Variants in RABL6 observed in about 807,000 individuals in gnomAD.
RABL6 encodes the protein RAB, member RAS oncogene family like 6.
RABL6 carries 28 observed loss-of-function variants against 72.9 expected under a neutral mutation model. The ratio of observed to expected loss-of-function variants is 0.38; its 90% CI spans 0.28 to 0.53. RABL6 has a LOEUF of 0.53. Among genes scored for constraint, RABL6 ranks in the 20% least tolerant of loss-of-function variants. The pLI, the probability that RABL6 is intolerant of heterozygous loss-of-function variation, is 0.80. For missense variants in RABL6, 1,029 were observed against 1,008.4 expected, an observed-to-expected ratio of 1.02 and a Z score of -0.28; for synonymous variants, 477 against 421.2, an observed-to-expected ratio of 1.13 and a Z score of -1.62.
At chr9:136,816,381 A>G (rs776162425) in intron 1 of RABL6, among the ~76,000 whole-genome samples, 3 of 151,740 alleles carry the variant, frequency 2.0e-5, no homozygotes, top group Non-Finnish European at 4.4e-5. Flanking sequence ...CTGGCATTAC[A>G]GGAGAGAGCC....
At chr9:136,838,449 A>G (rs552348680) in intron 10 of RABL6, among the ~76,000 whole-genome samples, 8 of 152,112 alleles carry the variant, frequency 5.3e-5, no homozygotes, top group African/African-American at 9.7e-5. Context: ...AGCCCCTCCC[A>G]CCACTCTGTC....
chr9:136,809,246 C>A (rs948546109), intron 1 of RABL6: 5 of 161,202 alleles, frequency 3.1e-5, no homozygotes, highest in Admixed American at 6.5e-5. Context: ...CAGAAAGACT[C>A]TTGTGCAGGT....
intron 1 of RABL6, chr9:136,813,315 C>G: frequency 1.5e-6 from 1 of 658,708 alleles, no homozygotes; most frequent in Non-Finnish European, 2.8e-6. Context: ...CATTTTGGTT[C>G]TGGGGCACTT....
At chr9:136,831,611 G>A in intron 5 of RABL6, 110 bp from the exon 6 acceptor site, 2 of 1,484,916 alleles carry the variant, frequency 1.3e-6, no homozygotes, top group East Asian at 2.3e-5. Context: ...GTTGGATGTT[G>A]GAAATGAGAA....
chr9:136,840,958 G>A lies in RABL6; in HGVS notation c.*436G>A, dbSNP rs991887757. ...CATGCCTATGGTTCCGCTTCCGGCC[G>A]GGAGCCCTGAACACGGGTGTGCAGA... On this transcript the variant is annotated 3_prime_UTR_variant, in exon 15 of 15. Coordinates refer to ENST00000311502, the MANE Select transcript of RABL6 (RefSeq NM_024718.5). The A allele has an allele frequency of 2.3e-5, 33 of 1,458,170 alleles. No homozygotes were observed. The highest frequency in any genetic ancestry group is 1.1e-4 in the Admixed American group (4 of 38,094). 90.3% of individuals were successfully genotyped at this position (1,458,170 alleles called of 1,614,324 possible).
At chr9:136,823,315 G>T (rs1848283335) in intron 1 of RABL6, among the ~76,000 whole-genome samples, 1 of 152,208 alleles carries the variant, frequency 6.6e-6, no homozygotes, top group East Asian at 1.9e-4. Context: ...TTGATGCTCT[G>T]TGTGCTGCCA....
In RABL6 at chr9:136,840,625, C is replaced by T; in HGVS notation, c.*103C>T. ...CGCCTTTGCCGCTGCCCCGTGGCTG[C>T]CGTGTGCGCTTCTGAGCTGGAAGAG... is the stretch of plus-strand genomic sequence containing the variant. On this transcript the variant is annotated 3_prime_UTR_variant, in exon 15 of 15. Coordinates refer to ENST00000311502, the MANE Select transcript of RABL6 (RefSeq NM_024718.5). 2 of 1,549,588 alleles carry T rather than the reference C, an allele frequency of 1.3e-6. No homozygotes were observed. Among genetic ancestry groups the T allele is most frequent in the Non-Finnish European group, 1.7e-6 (2 of 1,146,822 alleles).
chr9:136,833,531 C>G (rs1848524885), intron 7 of RABL6: 5 of 753,010 alleles, frequency 6.6e-6, no homozygotes, highest in Non-Finnish European at 8.4e-6. Flanking sequence ...GCTGCCCCGA[C>G]TGGGTCTGGG....
At position 136,823,443 on chromosome 9, in the gene RABL6, C is replaced by T. The variant is rs1293823326; in HGVS notation, c.131-82C>T. The T allele has an allele frequency of 1.9e-6, 3 of 1,544,756 alleles. No homozygotes were observed. In the African/African-American group the frequency reaches 4.1e-5, roughly 21 times the overall value. On this transcript the variant is annotated intron_variant, in intron 1 of 14. Transcript: ENST00000311502. ...ATGAAACAGGTGGCAGCAGAACCGG[C>T]TCTCCTTGTAGTTGCTCTTAAAGCT...
At chr9:136,823,271 A>G (rs577613641) in intron 1 of RABL6, among the ~76,000 whole-genome samples, 9 of 147,408 alleles carry the variant, frequency 6.1e-5, no homozygotes, top group African/African-American at 2.1e-4. Flanking sequence ...ACCTGGCTCC[A>G]AGTAGAAAGC....
intron 2 of RABL6, among the ~76,000 whole-genome samples, chr9:136,824,334 T>G (rs1021821039): frequency 2.1e-5 from 3 of 140,202 alleles, no homozygotes; most frequent in Non-Finnish European, 4.7e-5. Flanking sequence ...GGGTTTTTTT[T>G]TTTTTTTTTT....
intron 7 of RABL6, chr9:136,833,702 G>A (rs1428399517): frequency 3.2e-6 from 5 of 1,549,966 alleles, no homozygotes; most frequent in Admixed American, 2.0e-5. Flanking sequence ...AGCTGCAGCA[G>A]CCTTGGTCTT....
intron 7 of RABL6, 81 bp from the exon 8 acceptor site, chr9:136,835,661 C>CT: frequency 7.7e-7 from 1 of 1,293,268 alleles, no homozygotes; most frequent in Non-Finnish European, 1.1e-6. Context: ...GAGGCGTCCC[C>CT]TGTGCATTCA....
chr9:136,815,139 C>A, intron 1 of RABL6: 1 of 303,770 alleles, frequency 3.3e-6, no homozygotes, highest in Non-Finnish European at 6.4e-6. Context: ...GGTTCAGAGT[C>A]ATCCTCCTCC....
chr9:136,816,719 A>G (rs919104104), intron 1 of RABL6, among the ~76,000 whole-genome samples: 8 of 137,798 alleles, frequency 5.8e-5, no homozygotes, highest in African/African-American at 1.0e-4. Context: ...TCTGTCTCAA[A>G]AAAAAGGGGG....
chr9:136,808,649 T>G, intron 1 of RABL6: 1 of 153,832 alleles, frequency 6.5e-6, no homozygotes, highest in Non-Finnish European at 1.4e-5. Flanking sequence ...GGTGATTACA[T>G]AATGCCAAGC....
chr9:136,821,618 C>G, intron 1 of RABL6: 1 of 987,518 alleles, frequency 1.0e-6, no homozygotes, highest in Non-Finnish European at 1.2e-6. Flanking sequence ...GGGTTCCTGC[C>G]TCGGGCCGGA....
intron 1 of RABL6, among the ~76,000 whole-genome samples, chr9:136,817,358 A>G (rs1272629100): frequency 6.6e-6 from 1 of 152,218 alleles, no homozygotes; most frequent in South Asian, 2.1e-4. Context: ...AAAAACATCC[A>G]CAGCTAGATA....
intron 1 of RABL6, chr9:136,809,974 G>A (rs1847972325): frequency 6.6e-6 from 1 of 152,474 alleles, no homozygotes; most frequent in African/African-American, 2.4e-5. Flanking sequence ...CGTGCTTAAT[G>A]CTTGGCTGTC....
Sources: allele counts gnomAD v4.1 joint callset (sites outside exome capture counted in the v4.1 genomes callset), GRCh38; gene constraint gnomAD v4.1.1; transcripts MANE v1.5; gene names NCBI Gene and HGNC (gene_info 2026-07-23, HGNC 2026-07-21).